The following NUDT4 variants were observed in gnomAD, a reference collection of about 807,000 sequenced individuals.
NUDT4 encodes diphosphoinositol polyphosphate phosphohydrolase 2.
Under a neutral mutation model 23.1 loss-of-function variants are expected in NUDT4, and 5 were observed. The observed-to-expected ratio is 0.22, with a 90% CI of 0.11 to 0.46. The LOEUF (loss-of-function observed/expected upper bound fraction) is 0.46. Ranked by LOEUF, NUDT4 falls within the 20% of genes least tolerant of loss-of-function variation. The probability of loss-of-function intolerance (pLI) is 0.99; values close to 1 mark genes in which losing one functional copy is unlikely to be tolerated. For missense variants in NUDT4, 96 were observed against 211.6 expected (o/e 0.45, Z 3.39); for synonymous variants, 50 against 79.0 (o/e 0.63, Z 1.95).
chr12:93,381,060 C>G (rs1190235110), intron 1 of NUDT4: 1 of 152,126 alleles, frequency 6.6e-6, no homozygotes, highest in Non-Finnish European at 1.5e-5. Flanking sequence ...ACAGATTGTT[C>G]TAGGAAAGAA....
intron 1 of NUDT4, chr12:93,385,198 A>C (rs768221695): frequency 6.6e-6 from 1 of 152,200 alleles, no homozygotes; most frequent in Non-Finnish European, 1.5e-5. Flanking sequence ...TATCTAATAC[A>C]TGGGAAGAGG....
intron 1 of NUDT4, 92 bp downstream of exon 1, chr12:93,378,513 G>C: frequency 1.5e-6 from 2 of 1,339,318 alleles, no homozygotes; most frequent in Non-Finnish European, 2.0e-6. Context: ...CGCAGGCTGC[G>C]GGGCTGGGAG....
chr12:93,398,106 G>T (rs1565783592), intron 3 of NUDT4, among the ~76,000 whole-genome samples: 2 of 151,984 alleles, frequency 1.3e-5, no homozygotes, highest in Admixed American at 1.3e-4. Context: ...ACTTTGGGAG[G>T]CCGAGGTGGG....
At position 93,378,250 on chromosome 12, in the gene NUDT4, C is replaced by T; in HGVS notation, c.-73C>T. The T allele has an allele frequency of 1.6e-6, 1 of 624,354 alleles. No homozygotes were observed. Among genetic ancestry groups the T allele is most frequent in the Non-Finnish European group, 2.5e-6 (1 of 399,904 alleles). 38.7% of individuals were successfully genotyped at this position (624,354 alleles called of 1,614,324 possible). A position where few individuals can be genotyped will look rare whatever the true frequency, so the allele number is the denominator to read the frequency against. On this transcript the variant is annotated 5_prime_UTR_variant, in exon 1 of 5. Transcript: ENST00000415493. ...CCGACTCGCCCTCGCCCCCACTCCC[C>T]GGCGGGGTGGCGGCGGCCGGGCCCC...
chr12:93,399,150 T>A, intron 4 of NUDT4, 27 bp from the exon 5 acceptor site: 1 of 1,562,242 alleles, frequency 6.4e-7, no homozygotes. Flanking sequence ...TGGACTGTCT[T>A]GTAACCAATG....
chr12:93,403,805 T>C lies in NUDT4; in HGVS notation c.*4426T>C, dbSNP rs1304688551. The C allele has an allele frequency of 6.6e-6, 1 of 152,246 alleles. No homozygotes were observed. Among genetic ancestry groups the C allele is most frequent in the Non-Finnish European group, 1.5e-5 (1 of 68,052 alleles). 9.4% of individuals were successfully genotyped at this position (152,246 alleles called of 1,614,324 possible). A position where few individuals can be genotyped will look rare whatever the true frequency, so the allele number is the denominator to read the frequency against. ...AAGTAATCTATCGCTGGTGCTACTT[T>C]AATACCTTCCTGACTGGTGCCACTG... On this transcript the variant is annotated 3_prime_UTR_variant, in exon 5 of 5. Coordinates refer to ENST00000415493, the MANE Select transcript of NUDT4 (RefSeq NM_019094.6).
At chr12:93,389,595 A>G (rs991887727) in intron 1 of NUDT4, among the ~76,000 whole-genome samples, 2 of 152,088 alleles carry the variant, frequency 1.3e-5, no homozygotes, top group Non-Finnish European at 2.9e-5. Context: ...TTGTAGATGC[A>G]GGATTGGTTT....
In NUDT4 at chr12:93,399,188, G is replaced by A; in HGVS notation, c.352G>A (p.Glu118Lys). ...ATTCTTTTCTCTAGGAAGGAAGAGA[G>A]AGTGGTTCAAAGTAGAAGATGCTAT... is the stretch of plus-strand genomic sequence containing the variant. Reference protein sequence around the residue: ...EDSVNIGRKREWFKVEDAIKV... With the variant: ...EDSVNIGRKRKWFKVEDAIKV... Residue 118 changes from glutamate to lysine, a missense_variant, in exon 5 of 5, where the codon GAG (glutamate) becomes AAG (lysine). Glu to Lys is a moderately conservative substitution (Grantham distance 56). Coordinates refer to ENST00000415493, the MANE Select transcript of NUDT4 (RefSeq NM_019094.6). The A allele has an allele frequency of 6.2e-7, 1 of 1,606,646 alleles. No individual in the cohort carries two copies. Among genetic ancestry groups the A allele is most frequent in the Non-Finnish European group, 8.5e-7 (1 of 1,173,274 alleles).
At chr12:93,380,104 G>T (rs1396342311) in intron 1 of NUDT4, among the ~76,000 whole-genome samples, 1 of 152,184 alleles carries the variant, frequency 6.6e-6, no homozygotes, top group Non-Finnish European at 1.5e-5. Flanking sequence ...GTAGAGTCAG[G>T]ATTCAGGGTC....
intron 1 of NUDT4, among the ~76,000 whole-genome samples, chr12:93,390,872 C>T (rs1050958472): frequency 2.6e-5 from 4 of 152,104 alleles, no homozygotes; most frequent in Non-Finnish European, 5.9e-5. Flanking sequence ...GGATTACAGG[C>T]GTGAGCCACC....
chr12:93,397,686 C>G (rs1369601276), intron 3 of NUDT4, among the ~76,000 whole-genome samples: 1 of 152,050 alleles, frequency 6.6e-6, no homozygotes, highest in Non-Finnish European at 1.5e-5. Context: ...CCACGCCCGG[C>G]TAATATTTTC....
At chr12:93,399,101 G>T in intron 4 of NUDT4, 76 bp from the exon 5 acceptor site, 1 of 1,006,564 alleles carries the variant, frequency 9.9e-7, no homozygotes, top group East Asian at 2.4e-5. Flanking sequence ...ATTTATCGGG[G>T]AGTAAGTGGA....
rs986221314 is a variant in NUDT4, at chr12:93,406,449, G to A, written c.*7070G>A. On this transcript the variant is annotated 3_prime_UTR_variant, in exon 5 of 5. Coordinates refer to ENST00000415493, the MANE Select transcript of NUDT4 (RefSeq NM_019094.6). ...TCTCCATCAAACAACCATAGCACCT[G>A]TGACTTTTATCTGTTGGTTTGTATT... 6.6e-5 allele frequency: 10 copies of A among 152,084 alleles called. No homozygotes were observed. The highest frequency in any genetic ancestry group is 1.9e-4 in the African/African-American group (8 of 41,398). The allele number at this position is 152,084 out of a possible 1,614,324, so 9.4% of individuals were successfully genotyped here.
intron 3 of NUDT4, 35 bp from the exon 4 acceptor site, chr12:93,398,736 T>G: frequency 6.9e-7 from 1 of 1,442,804 alleles, no homozygotes; most frequent in Non-Finnish European, 9.7e-7. Context: ...CTAGCTCCTG[T>G]AGATTAAAAT....
At chr12:93,387,672 T>C (rs768881609) in intron 1 of NUDT4, among the ~76,000 whole-genome samples, 8 of 152,190 alleles carry the variant, frequency 5.3e-5, no homozygotes, top group Non-Finnish European at 1.0e-4. Context: ...CAACTTTTTT[T>C]CATCTGTACT....
At chr12:93,394,844 TTTAA>T (rs1435680881) in intron 2 of NUDT4, 125 bp downstream of exon 2, 1 of 588,818 alleles carries the variant, frequency 1.7e-6, no homozygotes, top group Non-Finnish European at 3.0e-6. Context: ...TATTTTTAAT[TTTAA>T]TTTTTTTTTT....
chr12:93,395,651 G>T (rs1876878452), intron 3 of NUDT4, 118 bp downstream of exon 3: 2 of 787,020 alleles, frequency 2.5e-6, no homozygotes. Context: ...GCAGTAGGCA[G>T]TCAGTCCAGG....
chr12:93,399,106 A>G, intron 4 of NUDT4, 71 bp from the exon 5 acceptor site: 1 of 1,075,860 alleles, frequency 9.3e-7, no homozygotes, highest in East Asian at 2.4e-5. Flanking sequence ...TCGGGGAGTA[A>G]GTGGACATTA....
intron 1 of NUDT4, among the ~76,000 whole-genome samples, chr12:93,379,540 A>G (rs532161730): frequency 6.6e-6 from 1 of 152,192 alleles, no homozygotes; most frequent in Non-Finnish European, 1.5e-5. Flanking sequence ...ATGTTAACGA[A>G]AAGTTCTCGA....
Sources: gnomAD v4.1 joint callset for allele counts (sites outside exome capture counted in the v4.1 genomes callset) on GRCh38, gnomAD v4.1.1 for gene constraint, MANE v1.5 for transcripts, NCBI Gene and HGNC (gene_info 2026-07-23, HGNC 2026-07-21) for gene names.